The following CACNA2D1 variants were observed in gnomAD, a reference collection of about 807,000 sequenced individuals.
The protein encoded by CACNA2D1 is calcium voltage-gated channel auxiliary subunit alpha2delta 1.
In CACNA2D1, 53 loss-of-function variants were observed where a neutral mutation model predicts 171.5. That is an observed-to-expected ratio of 0.31 (90% CI 0.25 to 0.39). The LOEUF is 0.39. Among genes scored for constraint, CACNA2D1 ranks in the 10% least tolerant of loss-of-function variants. CACNA2D1 has a pLI of 1.00. For synonymous variants in CACNA2D1, 442 were observed against 443.1 expected (o/e 1.00, Z 0.03); for missense variants, 903 against 1,299.8 (o/e 0.69, Z 4.69).
intron 7 of CACNA2D1, among the ~76,000 whole-genome samples, chr7:82,078,963 T>C (rs1313464859): frequency 6.6e-6 from 1 of 152,150 alleles, no homozygotes; most frequent in Non-Finnish European, 1.5e-5. Context: ...ATGATTTTCT[T>C]AGCTTATTTC....
intron 3 of CACNA2D1, among the ~76,000 whole-genome samples, chr7:82,180,737 C>CTTT (rs1269457579): frequency 6.6e-6 from 1 of 152,036 alleles, no homozygotes; most frequent in Non-Finnish European, 1.5e-5. Flanking sequence ...AAATGCATTA[C>CTTT]TTACAGATCC....
chr7:82,138,441 TTTTTTTTG>T (rs1273604835), intron 4 of CACNA2D1, among the ~76,000 whole-genome samples: 2 of 67,964 alleles, frequency 2.9e-5, no homozygotes, highest in Non-Finnish European at 5.2e-5. Context: ...GTTTTTTTTG[TTTTTTTTG>T]TTTTTTTTTT....
intron 10 of CACNA2D1, among the ~76,000 whole-genome samples, chr7:82,049,640 C>T (rs1206375366): frequency 6.6e-6 from 1 of 152,134 alleles, no homozygotes; most frequent in Non-Finnish European, 1.5e-5. Flanking sequence ...GGGGACTTTC[C>T]AAATGCAGAT....
At chr7:82,173,575 C>T (rs10486951) in intron 3 of CACNA2D1, among the ~76,000 whole-genome samples, 3,470 of 151,696 alleles carry the variant, frequency 0.023, 63 homozygotes, top group Middle Eastern at 0.054. Context: ...TAGTCTATCT[C>T]GGGACTAGAG....
intron 6 of CACNA2D1, among the ~76,000 whole-genome samples, chr7:82,116,108 C>T (rs996762216): frequency 1.3e-5 from 2 of 152,136 alleles, no homozygotes; most frequent in Non-Finnish European, 2.9e-5. Flanking sequence ...ACAAGAAACA[C>T]GTTCTTTACA....
rs912464143 is a variant in CACNA2D1, at chr7:82,070,231, C to T, written c.659-3707G>A. ...ATTAGAAGAATGTGGATTATACCCA[C>T]ACAAAGGTGCCAAAAAATCTAGGAA... On this transcript the variant is annotated intron_variant, in intron 7 of 38. Transcript: ENST00000356860. Among the ~76,000 whole-genome samples the T allele has an allele frequency of 3.9e-5, 6 of 152,164 alleles. 1 individual carries two copies. The highest frequency in any genetic ancestry group is 2.6e-4 in the Admixed American group (4 of 15,276).
At chr7:82,133,126 T>C (rs1170610596) in intron 5 of CACNA2D1, among the ~76,000 whole-genome samples, 1 of 152,236 alleles carries the variant, frequency 6.6e-6, no homozygotes. Flanking sequence ...ACAAATTACA[T>C]TCTTGCTTTA....
At chr7:82,166,578 G>A (rs575147538) in intron 4 of CACNA2D1, among the ~76,000 whole-genome samples, 2 of 152,144 alleles carry the variant, frequency 1.3e-5, no homozygotes, top group Admixed American at 1.3e-4. Flanking sequence ...AATTGGAAAA[G>A]ATCTGTTTGG....
intron 3 of CACNA2D1, among the ~76,000 whole-genome samples, chr7:82,261,871 G>A (rs1249143285): frequency 6.6e-6 from 1 of 152,194 alleles, no homozygotes; most frequent in African/African-American, 2.4e-5. Context: ...GAGCTGACAA[G>A]CCTGTCCTTT....
At chr7:82,384,042 G>T (rs1824024657) in intron 1 of CACNA2D1, among the ~76,000 whole-genome samples, 1 of 152,164 alleles carries the variant, frequency 6.6e-6, no homozygotes, top group Non-Finnish European at 1.5e-5. Context: ...TTGAAAATAA[G>T]AAATTGTGAG....
intron 4 of CACNA2D1, among the ~76,000 whole-genome samples, chr7:82,158,294 A>T (rs951159075): frequency 6.6e-6 from 1 of 151,900 alleles, no homozygotes; most frequent in African/African-American, 2.4e-5. Context: ...AATAGTTCAT[A>T]TGTATTCACT....
intron 7 of CACNA2D1, among the ~76,000 whole-genome samples, chr7:82,068,421 C>G (rs980518719): frequency 6.6e-6 from 1 of 152,090 alleles, no homozygotes; most frequent in Non-Finnish European, 1.5e-5. Flanking sequence ...CCCAGGGGAA[C>G]TGGGGGATTA....
At chr7:82,096,276 C>T (rs1811849676) in intron 6 of CACNA2D1, among the ~76,000 whole-genome samples, 1 of 152,058 alleles carries the variant, frequency 6.6e-6, no homozygotes, top group African/African-American at 2.4e-5. Context: ...GCTGTGTTCC[C>T]ATAAAACTGT....
intron 1 of CACNA2D1, among the ~76,000 whole-genome samples, chr7:82,354,711 T>A (rs74924553): frequency 6.6e-6 from 1 of 152,112 alleles, no homozygotes; most frequent in South Asian, 2.1e-4. Context: ...CCGGAGGTCA[T>A]CAGTTTCCAC....
chr7:82,055,513 G>A (rs928738191), intron 10 of CACNA2D1, among the ~76,000 whole-genome samples: 15 of 151,604 alleles, frequency 9.9e-5, no homozygotes, highest in Non-Finnish European at 1.6e-4. Context: ...GGAACCAACC[G>A]AAATGTCCAA....
intron 6 of CACNA2D1, among the ~76,000 whole-genome samples, chr7:82,099,701 G>T (rs1301306225): frequency 1.7e-5 from 1 of 57,704 alleles, no homozygotes; most frequent in African/African-American, 5.0e-5. Context: ...CGCCCGCCTC[G>T]GCCTCCCAAA....
intron 18 of CACNA2D1, among the ~76,000 whole-genome samples, chr7:82,003,427 T>C (rs1798798620): frequency 6.6e-6 from 1 of 151,920 alleles, no homozygotes; most frequent in South Asian, 2.1e-4. Flanking sequence ...TAGTGAATTA[T>C]TTCAAATACG....
intron 1 of CACNA2D1, among the ~76,000 whole-genome samples, chr7:82,379,530 CTTCT>C (rs1440344026): frequency 1.3e-5 from 2 of 152,090 alleles, no homozygotes; most frequent in Non-Finnish European, 2.9e-5. Flanking sequence ...CTTATCTGAA[CTTCT>C]CTGAAAAGGA....
Position 81,974,471 on chromosome 7 carries a change from A to G in CACNA2D1, c.2037T>C (p.Thr679=). ...LNFNEFIDRK[T]PNNPSCNADL... ...CATACTTACATGATGGGTTGTTTGG[A>G]GTTTTTCTATCAATAAACTCGTTGA... The change falls in exon 25 of 39, where the codon ACT becomes ACC. Residue 679 remains threonine (T), a synonymous_variant. Coordinates refer to ENST00000356860, the MANE Select transcript of CACNA2D1 (RefSeq NM_000722.4). The G allele has an allele frequency of 6.5e-7, 1 of 1,543,842 alleles. No homozygotes were observed.
Sources: allele counts gnomAD v4.1 joint callset (sites outside exome capture counted in the v4.1 genomes callset), GRCh38; gene constraint gnomAD v4.1.1; transcripts MANE v1.5; gene names NCBI Gene and HGNC (gene_info 2026-07-23, HGNC 2026-07-21).